ALCAM: variants seen among roughly 807,000 people sequenced by gnomAD.
ALCAM encodes activated leukocyte cell adhesion molecule.
In ALCAM, 30 loss-of-function variants were observed where a neutral mutation model predicts 70.9. The observed-to-expected ratio is 0.42, with a 90% CI of 0.32 to 0.57. The LOEUF (loss-of-function observed/expected upper bound fraction) is 0.57, where lower values mean the gene tolerates loss of function less well. Ranked by LOEUF, ALCAM falls within the 20% of genes least tolerant of loss-of-function variation. The pLI, the probability that ALCAM is intolerant of heterozygous loss-of-function variation, is 0.11. For missense variants in ALCAM, 591 were observed against 695.1 expected, an observed-to-expected ratio of 0.85 and a Z score of 1.68; for synonymous variants, 249 against 242.5, an observed-to-expected ratio of 1.03 and a Z score of -0.25.
At chr3:105,555,934 CTG>C (rs1263338105) in intron 14 of ALCAM, among the ~76,000 whole-genome samples, 2 of 151,730 alleles carry the variant, frequency 1.3e-5, no homozygotes, top group Non-Finnish European at 2.9e-5. Flanking sequence ...ATAGATGACT[CTG>C]ATTTTTTTCC....
At chr3:105,433,270 G>C (rs1936978210) in intron 1 of ALCAM, among the ~76,000 whole-genome samples, 1 of 152,096 alleles carries the variant, frequency 6.6e-6, no homozygotes, top group Non-Finnish European at 1.5e-5. Context: ...TGGATGTTCA[G>C]TATGCGTTTT....
chr3:105,371,109 A>G (rs894694083), intron 1 of ALCAM, among the ~76,000 whole-genome samples: 1 of 152,160 alleles, frequency 6.6e-6, no homozygotes, highest in South Asian at 2.1e-4. Flanking sequence ...AAAAAATTCA[A>G]ACTAGCTTAT....
At chr3:105,515,346 G>A (rs951015691) in intron 1 of ALCAM, among the ~76,000 whole-genome samples, 2 of 151,968 alleles carry the variant, frequency 1.3e-5, no homozygotes, top group Admixed American at 6.6e-5. Context: ...TTTCTGTGTG[G>A]CAAACAAATT....
intron 8 of ALCAM, 150 bp downstream of exon 8, chr3:105,541,915 T>A: frequency 9.4e-7 from 1 of 1,064,574 alleles, no homozygotes; most frequent in Non-Finnish European, 1.3e-6. Flanking sequence ...CGGGATAAGC[T>A]CAACTTTGTC....
intron 14 of ALCAM, among the ~76,000 whole-genome samples, chr3:105,562,171 G>A (rs1391450666): frequency 6.6e-6 from 1 of 152,148 alleles, no homozygotes; most frequent in Non-Finnish European, 1.5e-5. Flanking sequence ...TAATTTAAGG[G>A]AGCAGCATAG....
At chr3:105,440,966 G>C (rs73181395) in intron 1 of ALCAM, 1 of 151,942 alleles carries the variant, frequency 6.6e-6, no homozygotes, top group Non-Finnish European at 1.5e-5. Context: ...AGCTAGAGCA[G>C]AGAAAAAGCA....
intron 1 of ALCAM, among the ~76,000 whole-genome samples, chr3:105,419,246 A>G (rs1936584561): frequency 6.6e-6 from 1 of 151,812 alleles, no homozygotes; most frequent in Non-Finnish European, 1.5e-5. Flanking sequence ...ATTGAATTTA[A>G]AGAATAATTC....
At chr3:105,494,188 A>G (rs1437100784) in intron 1 of ALCAM, among the ~76,000 whole-genome samples, 1 of 152,174 alleles carries the variant, frequency 6.6e-6, no homozygotes. Context: ...ATGGGGGGGA[A>G]AAAGCTATTA....
intron 1 of ALCAM, among the ~76,000 whole-genome samples, chr3:105,459,146 G>A (rs923162384): frequency 6.6e-6 from 1 of 152,054 alleles, no homozygotes; most frequent in Admixed American, 6.6e-5. Flanking sequence ...CCAGAAGTAT[G>A]AACTCCTCCA....
intron 3 of ALCAM, among the ~76,000 whole-genome samples, chr3:105,525,797 T>C (rs374831768): frequency 6.6e-6 from 1 of 152,218 alleles, no homozygotes; most frequent in African/African-American, 2.4e-5. Flanking sequence ...CATGTTTCAG[T>C]TGATTACCTT....
chr3:105,429,096 T>C (rs1021748280), intron 1 of ALCAM, among the ~76,000 whole-genome samples: 3 of 151,990 alleles, frequency 2.0e-5, no homozygotes, highest in Admixed American at 6.6e-5. Context: ...TAAGCCACCA[T>C]TTAAAATTTT....
chr3:105,496,784 C>T (rs1938751496), intron 1 of ALCAM, among the ~76,000 whole-genome samples: 1 of 150,644 alleles, frequency 6.6e-6, no homozygotes, highest in Non-Finnish European at 1.5e-5. Context: ...TCTCATTCTG[C>T]TTGGTGCATT....
chr3:105,379,242 T>C (rs1935453247), intron 1 of ALCAM, among the ~76,000 whole-genome samples: 1 of 151,996 alleles, frequency 6.6e-6, no homozygotes, highest in Non-Finnish European at 1.5e-5. Context: ...TTCAGTAACC[T>C]AATAATATCA....
chr3:105,536,814 G>A (rs1939981554), intron 6 of ALCAM, among the ~76,000 whole-genome samples: 1 of 152,166 alleles, frequency 6.6e-6, no homozygotes, highest in African/African-American at 2.4e-5. Context: ...TAAGAGTCTT[G>A]AGGGCTCAGG....
Position 105,571,866 on chromosome 3 carries a change from A to C in ALCAM, c.1679A>C (p.His560Pro), listed in dbSNP as rs755649844. 1 of 1,612,000 alleles carries C rather than the reference A, an allele frequency of 6.2e-7. No homozygotes were observed. The highest frequency in any genetic ancestry group is 1.3e-5 in the African/African-American group (1 of 74,848). ...YMKKSKTASKHVNKDLGNMEE... is the reference protein window; with the variant it reads ...YMKKSKTASKPVNKDLGNMEE... ...TTCTCTTACAGGACTGCATCAAAAC[A>C]TGTAAACAAGGACCTCGGTAATATG... The change falls in exon 15 of 16, where the codon CAT becomes CCT. Residue 560 changes from histidine (H) to proline (P), a missense_variant. Physicochemically the swap from His to Pro is moderately conservative, Grantham distance 77. Transcript: ENST00000306107.
chr3:105,377,764 CT>C (rs1935414444), intron 1 of ALCAM, among the ~76,000 whole-genome samples: 1 of 151,996 alleles, frequency 6.6e-6, no homozygotes, highest in African/African-American at 2.4e-5. Context: ...GCCATAACCT[CT>C]TCCATTTTGT....
chr3:105,409,438 A>T (rs948392733), intron 1 of ALCAM, among the ~76,000 whole-genome samples: 2 of 152,128 alleles, frequency 1.3e-5, no homozygotes, highest in South Asian at 4.1e-4. Context: ...CTATCATTCG[A>T]AGTTAAGTAA....
intron 14 of ALCAM, among the ~76,000 whole-genome samples, chr3:105,558,515 C>T (rs1464920772): frequency 1.3e-5 from 2 of 152,092 alleles, no homozygotes; most frequent in East Asian, 3.9e-4. Context: ...TATCCTCTCA[C>T]TATGCTATTG....
chr3:105,505,321 G>A (rs1939041915), intron 1 of ALCAM, among the ~76,000 whole-genome samples: 1 of 152,140 alleles, frequency 6.6e-6, no homozygotes, highest in Non-Finnish European at 1.5e-5. Context: ...AGGTGAAGAG[G>A]AACCAGGGAC....
Sources: gnomAD v4.1 joint callset for allele counts (sites outside exome capture counted in the v4.1 genomes callset) on GRCh38, gnomAD v4.1.1 for gene constraint, MANE v1.5 for transcripts, NCBI Gene and HGNC (gene_info 2026-07-23, HGNC 2026-07-21) for gene names.